The following PARVB variants were observed in gnomAD, a reference collection of about 807,000 sequenced individuals.
PARVB encodes parvin beta.
PARVB carries 46 observed loss-of-function variants against 47.0 expected under a neutral mutation model. The observed-to-expected ratio is 0.98, with a 90% CI of 0.77 to 1.25. PARVB has a LOEUF of 1.25. Ranked by LOEUF, PARVB falls within the 50% of genes most tolerant of loss-of-function variation. The pLI, the probability that PARVB is intolerant of heterozygous loss-of-function variation, is 0.00. For synonymous variants in PARVB, 196 were observed against 196.3 expected (o/e 1.00, Z 0.01); for missense variants, 473 against 471.6 (o/e 1.00, Z -0.03).
At chr22:44,111,169 C>G (rs1402860866) in intron 3 of PARVB, 2 of 151,660 alleles carry the variant, frequency 1.3e-5, no homozygotes, top group African/African-American at 4.9e-5. Context: ...CACATTTGGA[C>G]TAGTACCTTG....
At chr22:44,000,590 G>A (rs1198178605) in intron 2 of PARVB, among the ~76,000 whole-genome samples, 1 of 152,188 alleles carries the variant, frequency 6.6e-6, no homozygotes, top group Non-Finnish European at 1.5e-5. Flanking sequence ...TCTGCATTCA[G>A]TTTGTTGCAT....
rs920499254 is a variant in PARVB at position 44,168,922 on chromosome 22, C to T, written c.*244C>T. On this transcript the variant is annotated 3_prime_UTR_variant, in exon 13 of 13. Transcript: ENST00000338758. Reference sequence around the variant, plus strand: ...CTTTGAAAATGCAGGATTCTAAACACTCGTGCTTGCGTTTGAAGCCTCGCG... The same window carrying T: ...CTTTGAAAATGCAGGATTCTAAACATTCGTGCTTGCGTTTGAAGCCTCGCG... 2.8e-5 allele frequency: 13 copies of T among 472,554 alleles called. No homozygotes were observed. Among genetic ancestry groups the T allele is most frequent in the African/African-American group, 1.6e-4 (8 of 51,024 alleles). The allele number at this position is 472,554 out of a possible 1,614,324, so 29.3% of individuals were successfully genotyped here. A position where few individuals can be genotyped will look rare whatever the true frequency, so the allele number is the denominator to read the frequency against.
intron 1 of PARVB, among the ~76,000 whole-genome samples, chr22:44,091,845 G>C (rs753088143): frequency 6.6e-6 from 1 of 152,190 alleles, no homozygotes; most frequent in Non-Finnish European, 1.5e-5. Context: ...AGTCCTCTAG[G>C]ATAAGGTGCC....
upstream of PARVB, among the ~76,000 whole-genome samples, chr22:44,022,397 C>A (rs534223588): frequency 3.9e-5 from 6 of 152,266 alleles, no homozygotes; most frequent in East Asian, 9.7e-4. Flanking sequence ...TCCCCCACCC[C>A]ATCCACATGG....
At chr22:44,156,383 G>A (rs1174982482) in intron 10 of PARVB, among the ~76,000 whole-genome samples, 9 of 150,042 alleles carry the variant, frequency 6.0e-5, no homozygotes. Flanking sequence ...GGGTTAAAGC[G>A]ATTCTCCTGC....
At chr22:44,158,704 G>T (rs559098281) in intron 11 of PARVB, among the ~76,000 whole-genome samples, 2 of 152,266 alleles carry the variant, frequency 1.3e-5, no homozygotes, top group African/African-American at 4.8e-5. Context: ...CTCGTGCGTG[G>T]GCCTCTCCCT....
At chr22:44,005,357 C>A (rs1256458605) in intron 2 of PARVB, among the ~76,000 whole-genome samples, 1 of 151,178 alleles carries the variant, frequency 6.6e-6, no homozygotes, top group Non-Finnish European at 1.5e-5. Context: ...AAGCAGTCCT[C>A]CTGCCTTGAA....
chr22:44,124,353 G>A (rs1351665881), intron 4 of PARVB, among the ~76,000 whole-genome samples: 1 of 152,224 alleles, frequency 6.6e-6, no homozygotes, highest in Non-Finnish European at 1.5e-5. Flanking sequence ...TTAAAGGTCA[G>A]CATGAGATTC....
chr22:44,077,924 C>T (rs1340463688), intron 1 of PARVB, among the ~76,000 whole-genome samples: 1 of 152,050 alleles, frequency 6.6e-6, no homozygotes, highest in Admixed American at 6.5e-5. Context: ...TTTCGAACTC[C>T]TGACCTCAAG....
intron 2 of PARVB, among the ~76,000 whole-genome samples, chr22:44,003,168 C>T (rs931924326): frequency 7.9e-5 from 12 of 152,102 alleles, no homozygotes; most frequent in African/African-American, 1.2e-4. Context: ...ATTCTGACTT[C>T]GCAGGGTTGA....
intron 1 of PARVB, among the ~76,000 whole-genome samples, chr22:44,035,482 T>C (rs1477226602): frequency 1.3e-5 from 2 of 150,412 alleles, no homozygotes; most frequent in East Asian, 4.1e-4. Flanking sequence ...GCGATTCTCC[T>C]GCCTCAGCCT....
chr22:44,003,470 G>A (rs2050433008), intron 2 of PARVB, among the ~76,000 whole-genome samples: 1 of 152,100 alleles, frequency 6.6e-6, no homozygotes, highest in Non-Finnish European at 1.5e-5. Context: ...GGGATGTTCT[G>A]TATCTAGTAA....
chr22:44,070,046 C>T (rs545062171), intron 1 of PARVB, among the ~76,000 whole-genome samples: 12 of 152,322 alleles, frequency 7.9e-5, no homozygotes, highest in South Asian at 2.1e-4. Context: ...GCCCTATGTT[C>T]GATTTTTCCT....
At chr22:44,168,571 G>T in intron 12 of PARVB, 31 bp from the exon 13 acceptor site, 2 of 1,493,898 alleles carry the variant, frequency 1.3e-6, no homozygotes, top group Non-Finnish European at 1.9e-6. Flanking sequence ...AGGATGGCAC[G>T]CCTCTGAAGT....
intron 1 of PARVB, among the ~76,000 whole-genome samples, chr22:44,083,297 G>GTTCA (rs796589145): frequency 3.3e-5 from 5 of 152,262 alleles, no homozygotes; most frequent in South Asian, 2.1e-4. Flanking sequence ...TAGCATTTGT[G>GTTCA]TTCATTCATT....
chr22:44,108,749 T>C (rs2052622997), intron 3 of PARVB: 1 of 152,168 alleles, frequency 6.6e-6, no homozygotes, highest in Admixed American at 6.5e-5. Flanking sequence ...CAAAGTATAT[T>C]GATCAGTTAG....
At position 44,100,754 on chromosome 22, in the gene PARVB, G is replaced by A. The variant is rs571535742; in HGVS notation, c.273+631G>A. Among the ~76,000 whole-genome samples, 152 of 152,282 alleles carry A rather than the reference G, an allele frequency of 1.0e-3. 2 individuals carry two copies. Among genetic ancestry groups the A allele is most frequent in the African/African-American group, 3.6e-3 (151 of 41,562 alleles). ...GAGGCAGTGCTTGTGTGGGTCCAAG[G>A]ACAGATTGCAGTTTTGGTTGCTCTG... On this transcript the variant is annotated intron_variant, in intron 3 of 12. Transcript: ENST00000338758.
chr22:44,119,460 C>A (rs967091062), intron 4 of PARVB, among the ~76,000 whole-genome samples: 1 of 152,232 alleles, frequency 6.6e-6, no homozygotes, highest in Non-Finnish European at 1.5e-5. Context: ...TGAACTCCTT[C>A]GGTTCAGGAT....
At chr22:44,005,759 G>A (rs2146845989) in intron 2 of PARVB, among the ~76,000 whole-genome samples, 1 of 152,210 alleles carries the variant, frequency 6.6e-6, no homozygotes, top group South Asian at 2.1e-4. Flanking sequence ...CTGGTCGCAG[G>A]CCACTTCTTC....
Sources: allele counts gnomAD v4.1 joint callset (sites outside exome capture counted in the v4.1 genomes callset), GRCh38; gene constraint gnomAD v4.1.1; transcripts MANE v1.5; gene names NCBI Gene and HGNC (gene_info 2026-07-23, HGNC 2026-07-21).